The following NMNAT2 variants were observed in gnomAD, a reference collection of about 807,000 sequenced individuals.
The protein encoded by NMNAT2 is nicotinamide/nicotinic acid mononucleotide adenylyltransferase 2.
A neutral mutation model predicts 41.6 loss-of-function variants in NMNAT2; 11 were observed. The observed-to-expected ratio is 0.26, with a 90% CI of 0.17 to 0.44. The LOEUF is 0.44. Among genes scored for constraint, NMNAT2 ranks in the 20% least tolerant of loss-of-function variants. The probability of loss-of-function intolerance (pLI) is 1.00; values close to 1 mark genes in which losing one functional copy is unlikely to be tolerated. For missense variants in NMNAT2, 288 were observed against 407.7 expected (o/e 0.71, Z 2.53); for synonymous variants, 148 against 151.2 (o/e 0.98, Z 0.16).
chr1:183,284,179 G>A (rs1427516772), intron 6 of NMNAT2, 140 bp from the exon 7 acceptor site: 2 of 676,620 alleles, frequency 3.0e-6, no homozygotes, highest in East Asian at 2.6e-5. Flanking sequence ...GCCACCTGAG[G>A]AGGGTGAATG....
chr1:183,309,917 G>T (rs1484297177), intron 1 of NMNAT2, among the ~76,000 whole-genome samples: 1 of 152,214 alleles, frequency 6.6e-6, no homozygotes, highest in African/African-American at 2.4e-5. Flanking sequence ...TGGAAGATCA[G>T]ACTTTCTCTT....
At chr1:183,285,251 T>C (rs1259486525) in intron 5 of NMNAT2, among the ~76,000 whole-genome samples, 1 of 152,216 alleles carries the variant, frequency 6.6e-6, no homozygotes, top group East Asian at 1.9e-4. Context: ...GGCTGCTGGC[T>C]TCTTTCATTT....
At chr1:183,289,838 A>T (rs1661492955) in intron 4 of NMNAT2, among the ~76,000 whole-genome samples, 1 of 152,172 alleles carries the variant, frequency 6.6e-6, no homozygotes, top group African/African-American at 2.4e-5. Flanking sequence ...ACTTGCTCCC[A>T]GCTAATAAAA....
intron 1 of NMNAT2, chr1:183,304,767 C>G: frequency 6.2e-7 from 1 of 1,613,620 alleles, no homozygotes; most frequent in Non-Finnish European, 8.5e-7. Flanking sequence ...GCAGCCACTA[C>G]TTGCAGCCCT....
At chr1:183,404,279 G>A (rs1209393548) in intron 1 of NMNAT2, among the ~76,000 whole-genome samples, 2 of 151,988 alleles carry the variant, frequency 1.3e-5, no homozygotes, top group African/African-American at 2.4e-5. Flanking sequence ...TAGTAGAGAC[G>A]GGGTTTCACC....
chr1:183,260,533 T>C (rs1390535251), intron 10 of NMNAT2, among the ~76,000 whole-genome samples: 4 of 152,022 alleles, frequency 2.6e-5, no homozygotes, highest in Non-Finnish European at 5.9e-5. Context: ...AGTAAATGGC[T>C]GGGGCCGGGC....
intron 7 of NMNAT2, chr1:183,283,525 C>A: frequency 5.1e-6 from 1 of 196,880 alleles, no homozygotes; most frequent in Non-Finnish European, 1.0e-5. Context: ...GCAGGCAGCC[C>A]TCACACAGAC....
At chr1:183,332,978 G>C (rs1345904562) in intron 1 of NMNAT2, among the ~76,000 whole-genome samples, 1 of 152,160 alleles carries the variant, frequency 6.6e-6, no homozygotes, top group Non-Finnish European at 1.5e-5. Context: ...TCTTAGGATG[G>C]CCTTATGGCT....
chr1:183,257,545 A>G lies in NMNAT2; in HGVS notation c.821+3457T>C, dbSNP rs375750702. Among the ~76,000 whole-genome samples the G allele has an allele frequency of 3.9e-5, 6 of 152,304 alleles. No homozygotes were observed. The South Asian group carries it at 6.2e-4, about 16-fold the overall frequency. ...CTTTGTTGGGAAGTTTTTAATTACT[A>G]CTTCAATCTATTTGTTATTGGTCTG... On this transcript the variant is annotated intron_variant, in intron 10 of 10. Coordinates refer to ENST00000287713, the MANE Select transcript of NMNAT2 (RefSeq NM_015039.4).
chr1:183,312,107 G>T (rs1012993913), intron 1 of NMNAT2, among the ~76,000 whole-genome samples: 2 of 152,010 alleles, frequency 1.3e-5, no homozygotes, highest in Admixed American at 1.3e-4. Flanking sequence ...AAATTGCCCA[G>T]TCTCAGTTAT....
At position 183,418,373 on chromosome 1, in the gene NMNAT2, T is replaced by C. The variant is rs202112462; in HGVS notation, c.-106A>G. 128 of 1,122,012 alleles carry C rather than the reference T, an allele frequency of 1.1e-4. No homozygotes were observed. Among genetic ancestry groups the C allele is most frequent in the Admixed American group, 5.7e-4 (32 of 55,686 alleles). 69.5% of individuals were successfully genotyped at this position (1,122,012 alleles called of 1,614,324 possible). Reference sequence around the variant, plus strand: ...GGCGAGGCTCCGGCGGTGGATGCTGTGGACTCCAAGGAGCCGCTCCAGACG... The same window carrying C: ...GGCGAGGCTCCGGCGGTGGATGCTGCGGACTCCAAGGAGCCGCTCCAGACG... On this transcript the variant is annotated 5_prime_UTR_variant, in exon 1 of 11. Coordinates refer to ENST00000287713, the MANE Select transcript of NMNAT2 (RefSeq NM_015039.4).
rs1257104708 is a variant in NMNAT2 at position 183,249,633 on chromosome 1, C to G, written c.*3008G>C. On this transcript the variant is annotated 3_prime_UTR_variant, in exon 11 of 11. Coordinates refer to ENST00000287713, the MANE Select transcript of NMNAT2 (RefSeq NM_015039.4). ...CTGGGTCATGGTCACAATGTCCTGT[C>G]CTGGATTTAGTTGTGCTGTGACCTT... 1 of 150,456 alleles carries G rather than the reference C, an allele frequency of 6.6e-6. No individual in the cohort carries two copies. The highest frequency in any genetic ancestry group is 1.5e-5 in the Non-Finnish European group (1 of 68,660). 9.3% of individuals were successfully genotyped at this position (150,456 alleles called of 1,614,324 possible).
intron 10 of NMNAT2, among the ~76,000 whole-genome samples, chr1:183,259,762 G>A (rs1012122251): frequency 6.6e-6 from 1 of 152,100 alleles, no homozygotes; most frequent in Non-Finnish European, 1.5e-5. Flanking sequence ...ACCACGCCCG[G>A]CTGATTTTTT....
intron 8 of NMNAT2, among the ~76,000 whole-genome samples, chr1:183,272,038 C>A (rs555634576): frequency 6.6e-6 from 1 of 152,334 alleles, no homozygotes; most frequent in East Asian, 1.9e-4. Flanking sequence ...CAAGCATGAG[C>A]CACCACACCT....
chr1:183,315,066 A>T (rs1662214198), intron 1 of NMNAT2, among the ~76,000 whole-genome samples: 1 of 152,266 alleles, frequency 6.6e-6, no homozygotes, highest in Non-Finnish European at 1.5e-5. Context: ...TCAAAAATCA[A>T]AAGTTTAACA....
At chr1:183,366,560 C>T (rs1054047911) in intron 1 of NMNAT2, among the ~76,000 whole-genome samples, 1 of 152,118 alleles carries the variant, frequency 6.6e-6, no homozygotes, top group African/African-American at 2.4e-5. Flanking sequence ...AAAGTGTTAT[C>T]ATTGTTGGTA....
intron 1 of NMNAT2, among the ~76,000 whole-genome samples, chr1:183,318,027 A>C (rs1016184855): frequency 2.4e-4 from 37 of 152,348 alleles, no homozygotes; most frequent in Non-Finnish European, 4.9e-4. Context: ...CTGAGTGTCT[A>C]TTATGTTCTG....
chr1:183,278,745 C>T (rs1222870256), intron 7 of NMNAT2, 116 bp from the exon 8 acceptor site: 9 of 717,454 alleles, frequency 1.3e-5, no homozygotes, highest in Non-Finnish European at 2.3e-5. Context: ...GGATGTGGGG[C>T]CCAGTTATCC....
intron 1 of NMNAT2, among the ~76,000 whole-genome samples, chr1:183,413,254 C>A (rs1378637994): frequency 6.6e-5 from 10 of 152,134 alleles, no homozygotes; most frequent in Admixed American, 1.3e-4. Context: ...AGGAGGGAGC[C>A]AATACCAGGA....
Sources: allele counts gnomAD v4.1 joint callset (sites outside exome capture counted in the v4.1 genomes callset), GRCh38; gene constraint gnomAD v4.1.1; transcripts MANE v1.5; gene names NCBI Gene and HGNC (gene_info 2026-07-23, HGNC 2026-07-21).